The following STIM1 variants were observed in gnomAD, a reference collection of about 807,000 sequenced individuals.
STIM1 encodes stromal interaction molecule 1.
Under a neutral mutation model 74.7 loss-of-function variants are expected in STIM1, and 25 were observed. That is an observed-to-expected ratio of 0.33 (90% CI 0.24 to 0.47). The LOEUF is 0.47. STIM1 is among the 20% of genes least tolerant of loss of function. The pLI is 1.00. For missense variants in STIM1, 728 were observed against 920.8 expected, an observed-to-expected ratio of 0.79 and a Z score of 2.71; for synonymous variants, 328 against 348.8, an observed-to-expected ratio of 0.94 and a Z score of 0.66.
At chr11:4,070,645 A>C (rs1456662566) in intron 6 of STIM1, among the ~76,000 whole-genome samples, 4 of 152,174 alleles carry the variant, frequency 2.6e-5, no homozygotes, top group African/African-American at 9.7e-5. Context: ...CATAAACACT[A>C]ACTTGCTATA....
intron 1 of STIM1, among the ~76,000 whole-genome samples, chr11:3,867,842 T>TGGCAGGCAGGCA (rs989812350): frequency 2.7e-3 from 351 of 130,868 alleles, no homozygotes; most frequent in African/African-American, 9.1e-3. Context: ...GAAATCTCAC[T>TGGCAGGCAGGCA]GGCAGGCAGG....
chr11:3,985,108 C>A (rs373253995), intron 2 of STIM1, among the ~76,000 whole-genome samples: 1 of 152,166 alleles, frequency 6.6e-6, no homozygotes, highest in Non-Finnish European at 1.5e-5. Flanking sequence ...GCAGCTCCCC[C>A]AGATGGTACC....
chr11:3,995,370 T>C (rs1590631075), intron 2 of STIM1, among the ~76,000 whole-genome samples: 2 of 152,192 alleles, frequency 1.3e-5, no homozygotes, highest in African/African-American at 4.8e-5. Flanking sequence ...GTTTAAGTGG[T>C]TGATCCCCCT....
chr11:3,978,579 G>A (rs2093472414), intron 2 of STIM1, among the ~76,000 whole-genome samples: 1 of 151,268 alleles, frequency 6.6e-6, no homozygotes, highest in Non-Finnish European at 1.5e-5. Context: ...TGTCCAACAT[G>A]GTGAAACCCC....
chr11:3,869,008 G>A (rs921653535), intron 1 of STIM1, among the ~76,000 whole-genome samples: 2 of 150,998 alleles, frequency 1.3e-5, no homozygotes, highest in Admixed American at 6.6e-5. Context: ...TCACTCTGTC[G>A]CCCAGGCTGG....
chr11:4,052,161 C>T (rs570486330), intron 3 of STIM1, among the ~76,000 whole-genome samples: 51 of 152,182 alleles, frequency 3.4e-4, no homozygotes, highest in African/African-American at 6.7e-4. Context: ...AAATCAATAT[C>T]GTGAAAATGG....
rs1453141147 is a variant in STIM1 at position 4,019,339 on chromosome 11, C to T, written c.271-4534C>T. Reference sequence around the variant, plus strand: ...ATTTAAATTATATTTTATTTAAAAACATTTTTAAAATTTTATTTTATTTGT... The same window carrying T: ...ATTTAAATTATATTTTATTTAAAAATATTTTTAAAATTTTATTTTATTTGT... On this transcript the variant is annotated intron_variant, in intron 2 of 12. Transcript: ENST00000526596. 2.0e-5 allele frequency among the ~76,000 whole-genome samples: 3 copies of T among 152,050 alleles called. No individual in the cohort carries two copies. In the East Asian group the frequency reaches 5.8e-4, roughly 29 times the overall value.
chr11:4,058,782 T>G (rs371992986), intron 4 of STIM1: 1 of 983,714 alleles, frequency 1.0e-6, no homozygotes, highest in African/African-American at 1.8e-5. Flanking sequence ...TTAATTAAAA[T>G]TTTTTTTCCT....
intron 2 of STIM1, among the ~76,000 whole-genome samples, chr11:4,005,279 C>G (rs1167599755): frequency 6.6e-6 from 1 of 152,146 alleles, no homozygotes; most frequent in Non-Finnish European, 1.5e-5. Context: ...AAGACACATG[C>G]ACGCGTATGT....
At chr11:3,882,173 C>T (rs183313386) in intron 1 of STIM1, among the ~76,000 whole-genome samples, 223 of 143,306 alleles carry the variant, frequency 1.6e-3, no homozygotes, top group African/African-American at 5.3e-3. Flanking sequence ...GATCTTGGCT[C>T]ACCGCAACCT....
intron 3 of STIM1, among the ~76,000 whole-genome samples, chr11:4,033,501 C>CTT (rs554429875): frequency 6.6e-6 from 1 of 150,588 alleles, no homozygotes; most frequent in African/African-American, 2.4e-5. Context: ...CAATCTGATG[C>CTT]TTTTTTTTTC....
rs1346604120 is a variant in STIM1 at position 3,967,693 on chromosome 11, C to T, written c.270+11C>T. 6.2e-7 allele frequency: 1 copy of T among 1,613,972 alleles called. No individual in the cohort carries two copies. The highest frequency in any genetic ancestry group is 1.3e-5 in the African/African-American group (1 of 74,918). On this transcript the variant is annotated intron_variant, in intron 2 of 12. Coordinates refer to ENST00000526596, the MANE Select transcript of STIM1 (RefSeq NM_001382567.1). ...GAAGAAAGTGATGAGGTGAGCTCTC[C>T]CATCCTGCTATGTCTCTCTTTTCTT...
In STIM1 at chr11:3,921,002, A is replaced by T. The variant is rs564074312; in HGVS notation, c.140-46550A>T. The stretch of plus-strand genomic sequence containing the variant: ...GTAGAGACGGGGTTTCACCATGTTG[A>T]CCAGGCTGGTTTTGAACTCCTGACC... On this transcript the variant is annotated intron_variant, in intron 1 of 12. Transcript: ENST00000526596. Among the ~76,000 whole-genome samples the T allele has an allele frequency of 2.0e-5, 3 of 151,962 alleles. No individual in the cohort carries two copies. In the East Asian group the frequency reaches 5.8e-4, roughly 30 times the overall value.
At chr11:3,862,800 G>A (rs1056227877) in intron 1 of STIM1, among the ~76,000 whole-genome samples, 1 of 151,708 alleles carries the variant, frequency 6.6e-6, no homozygotes, top group Non-Finnish European at 1.5e-5. Context: ...TGAGGTCTGG[G>A]GGTAAAAAAA....
At chr11:3,994,262 A>G (rs1030833212) in intron 2 of STIM1, among the ~76,000 whole-genome samples, 4 of 151,804 alleles carry the variant, frequency 2.6e-5, no homozygotes, top group African/African-American at 9.7e-5. Flanking sequence ...GTGATGAGTC[A>G]TTTTTCTCTT....
chr11:4,075,257 A>G (rs2094431392), intron 7 of STIM1, among the ~76,000 whole-genome samples: 1 of 152,208 alleles, frequency 6.6e-6, no homozygotes, highest in Non-Finnish European at 1.5e-5. Flanking sequence ...TTTTTGAGGT[A>G]TTTACATAAA....
At chr11:4,019,799 A>C (rs2093938909) in intron 2 of STIM1, among the ~76,000 whole-genome samples, 1 of 152,214 alleles carries the variant, frequency 6.6e-6, no homozygotes, top group South Asian at 2.1e-4. Context: ...TGTGGTGAAC[A>C]TTCAAAATCC....
intron 2 of STIM1, among the ~76,000 whole-genome samples, chr11:3,979,631 G>C (rs2093481924): frequency 6.6e-6 from 1 of 151,942 alleles, no homozygotes; most frequent in East Asian, 1.9e-4. Flanking sequence ...GTAGAGACAG[G>C]GTCTTGCTAT....
intron 1 of STIM1, among the ~76,000 whole-genome samples, chr11:3,930,039 C>T (rs544751180): frequency 6.6e-6 from 1 of 152,232 alleles, no homozygotes; most frequent in African/African-American, 2.4e-5. Context: ...GTAATGCAGG[C>T]CCAGGTGTAT....
Sources: gnomAD v4.1 joint callset for allele counts (sites outside exome capture counted in the v4.1 genomes callset) on GRCh38, gnomAD v4.1.1 for gene constraint, MANE v1.5 for transcripts, NCBI Gene and HGNC (gene_info 2026-07-23, HGNC 2026-07-21) for gene names.